C1orf105: variants seen among roughly 807,000 people sequenced by gnomAD.
The protein encoded by C1orf105 is uncharacterized protein C1orf105.
C1orf105 carries 17 observed loss-of-function variants against 20.8 expected under a neutral mutation model. The ratio of observed to expected loss-of-function variants is 0.82; its 90% CI spans 0.56 to 1.23. C1orf105 has a LOEUF of 1.23. Ranked by LOEUF, C1orf105 falls within the 50% of genes most tolerant of loss-of-function variation. The pLI is 0.00. For synonymous variants in C1orf105, 72 were observed against 72.1 expected, an observed-to-expected ratio of 1.00 and a Z score of 0.01; for missense variants, 219 against 213.5, an observed-to-expected ratio of 1.03 and a Z score of -0.16.
intron 3 of C1orf105, among the ~76,000 whole-genome samples, chr1:172,450,164 G>A (rs981433785): frequency 3.3e-5 from 5 of 152,186 alleles, no homozygotes; most frequent in Non-Finnish European, 7.3e-5. Context: ...CCAGTTTCCC[G>A]GCTGACCCGT....
chr1:172,420,963 A>G, intron 1 of C1orf105, 57 bp downstream of exon 1: 1 of 1,494,418 alleles, frequency 6.7e-7, no homozygotes, highest in Non-Finnish European at 9.3e-7. Context: ...ACCCTGGTAA[A>G]TGTTTGTATG....
intron 1 of C1orf105, among the ~76,000 whole-genome samples, chr1:172,432,099 G>T (rs1402345140): frequency 1.3e-5 from 2 of 152,178 alleles, no homozygotes; most frequent in South Asian, 2.1e-4. Context: ...GCTCAAACTG[G>T]GTGGAGGCCA....
intron 3 of C1orf105, among the ~76,000 whole-genome samples, chr1:172,449,996 A>G (rs1454887783): frequency 1.3e-5 from 2 of 152,182 alleles, no homozygotes; most frequent in Admixed American, 1.3e-4. Flanking sequence ...GGAGTGGAGA[A>G]TGGGGAAGGA....
chr1:172,468,033 A>G (rs1463914118), intron 6 of C1orf105, among the ~76,000 whole-genome samples: 1 of 152,186 alleles, frequency 6.6e-6, no homozygotes, highest in Non-Finnish European at 1.5e-5. Context: ...TTTAAAGAAC[A>G]GAACTATATA....
intron 3 of C1orf105, among the ~76,000 whole-genome samples, chr1:172,452,369 T>C (rs1392031567): frequency 6.6e-6 from 1 of 152,032 alleles, no homozygotes; most frequent in African/African-American, 2.4e-5. Flanking sequence ...AAGTTACAAG[T>C]GGGAAGGAGA....
At chr1:172,442,069 G>A in intron 1 of C1orf105, 1 of 1,614,182 alleles carries the variant, frequency 6.2e-7, no homozygotes. Context: ...GCATACAGAA[G>A]CAAAGATGGC....
chr1:172,433,407 A>G (rs918025254), intron 1 of C1orf105, among the ~76,000 whole-genome samples: 2 of 152,250 alleles, frequency 1.3e-5, no homozygotes, highest in African/African-American at 4.8e-5. Flanking sequence ...TAGACCTCTC[A>G]GCAGAAACCC....
chr1:172,422,550 C>T (rs940535474), intron 1 of C1orf105, among the ~76,000 whole-genome samples: 2 of 151,960 alleles, frequency 1.3e-5, no homozygotes, highest in African/African-American at 2.4e-5. Flanking sequence ...TGACCCAGCA[C>T]ATTCACAGGT....
At chr1:172,448,963 G>T (rs1384240910) in intron 3 of C1orf105, among the ~76,000 whole-genome samples, 3 of 152,186 alleles carry the variant, frequency 2.0e-5, no homozygotes, top group African/African-American at 4.8e-5. Flanking sequence ...GCTGCCAGGT[G>T]ACCCTCGGTG....
chr1:172,453,604 T>C lies in C1orf105; in HGVS notation c.199-2811T>C, dbSNP rs113087840. ...ACTCATTCATTTGCCCAATGTTTGTTGAATACTTGCTGTGTGCCAGGTTCT... is the reference window on the plus strand; with the variant it reads ...ACTCATTCATTTGCCCAATGTTTGTCGAATACTTGCTGTGTGCCAGGTTCT... On this transcript the variant is annotated intron_variant, in intron 3 of 6. Transcript: ENST00000367727. Among the ~76,000 whole-genome samples, 38 of 152,350 alleles carry C rather than the reference T, an allele frequency of 2.5e-4. 1 individual carries two copies. The highest frequency in any genetic ancestry group is 8.2e-4 in the African/African-American group (34 of 41,572).
chr1:172,423,628 T>C (rs1017399246), intron 1 of C1orf105, among the ~76,000 whole-genome samples: 4 of 151,788 alleles, frequency 2.6e-5, no homozygotes, highest in African/African-American at 9.7e-5. Flanking sequence ...AAGACATCAG[T>C]GACCAATACT....
At chr1:172,463,229 T>C (rs1220471552) in intron 5 of C1orf105, among the ~76,000 whole-genome samples, 2 of 152,232 alleles carry the variant, frequency 1.3e-5, no homozygotes, top group African/African-American at 4.8e-5. Flanking sequence ...GGTTGGAAAG[T>C]AGACATACAC....
At chr1:172,447,974 T>C (rs1177753126) in intron 2 of C1orf105, among the ~76,000 whole-genome samples, 1 of 152,172 alleles carries the variant, frequency 6.6e-6, no homozygotes, top group Non-Finnish European at 1.5e-5. Context: ...AGAAAAAATG[T>C]TCCAAAGGAA....
chr1:172,441,626 A>G, intron 1 of C1orf105: 1 of 1,083,192 alleles, frequency 9.2e-7, no homozygotes, highest in East Asian at 2.4e-5. Flanking sequence ...TTCTCTTACC[A>G]CAATGACATG....
chr1:172,445,241 T>C, intron 2 of C1orf105, 83 bp downstream of exon 2: 2 of 1,080,682 alleles, frequency 1.9e-6, no homozygotes, highest in South Asian at 2.8e-5. Flanking sequence ...GGGACAATTA[T>C]CAGAGGGCAC....
At chr1:172,458,308 T>C (rs901419193) in intron 4 of C1orf105, among the ~76,000 whole-genome samples, 1 of 152,214 alleles carries the variant, frequency 6.6e-6, no homozygotes, top group Admixed American at 6.5e-5. Flanking sequence ...TATGCTCTTA[T>C]ATAGCGAAAG....
intron 1 of C1orf105, among the ~76,000 whole-genome samples, chr1:172,435,485 C>T (rs879429707): frequency 4.0e-5 from 6 of 151,704 alleles, no homozygotes; most frequent in Non-Finnish European, 7.4e-5. Flanking sequence ...ACAGAACCAA[C>T]AAAAAAAACC....
chr1:172,448,286 A>G (rs1648234719), intron 2 of C1orf105, among the ~76,000 whole-genome samples, 155 bp from the exon 3 acceptor site: 1 of 152,200 alleles, frequency 6.6e-6, no homozygotes, highest in Non-Finnish European at 1.5e-5. Context: ...GGGCAAATCC[A>G]TCTTTTGGGA....
chr1:172,444,030 C>G, intron 1 of C1orf105: 2 of 1,000,102 alleles, frequency 2.0e-6, no homozygotes, highest in Non-Finnish European at 2.4e-6. Context: ...CGGCGGCACC[C>G]AGCCTTTTTC....
Sources: gnomAD v4.1 joint callset for allele counts (sites outside exome capture counted in the v4.1 genomes callset) on GRCh38, gnomAD v4.1.1 for gene constraint, MANE v1.5 for transcripts, NCBI Gene and HGNC (gene_info 2026-07-23, HGNC 2026-07-21) for gene names.